Variants in ROR1 observed in about 807,000 individuals in gnomAD.
ROR1 encodes ROR family WNT receptor 1.
Under a neutral mutation model 78.8 loss-of-function variants are expected in ROR1, and 19 were observed. The ratio of observed to expected loss-of-function variants is 0.24; its 90% CI spans 0.17 to 0.35. ROR1 has a LOEUF of 0.35. Among genes scored for constraint, ROR1 ranks in the 10% least tolerant of loss-of-function variants. The pLI, the probability that ROR1 is intolerant of heterozygous loss-of-function variation, is 1.00. For synonymous variants in ROR1, 386 were observed against 433.6 expected (o/e 0.89, Z 1.36); for missense variants, 917 against 1,177.8 (o/e 0.78, Z 3.24).
At chr1:64,085,354 C>T (rs1647143038) in intron 4 of ROR1, among the ~76,000 whole-genome samples, 1 of 152,072 alleles carries the variant, frequency 6.6e-6, no homozygotes, top group Admixed American at 6.5e-5. Context: ...GTGGCTCGTG[C>T]GTTGGGTGCT....
intron 2 of ROR1, among the ~76,000 whole-genome samples, chr1:64,031,165 G>T (rs1291638115): frequency 6.6e-6 from 1 of 152,206 alleles, no homozygotes; most frequent in Non-Finnish European, 1.5e-5. Context: ...ACCACGCCCA[G>T]CTTCTGTCAG....
chr1:64,038,689 T>A (rs979652439), intron 2 of ROR1, among the ~76,000 whole-genome samples: 1 of 152,232 alleles, frequency 6.6e-6, no homozygotes, highest in African/African-American at 2.4e-5. Flanking sequence ...TTTACCTGCA[T>A]GACTGTGTAG....
intron 4 of ROR1, among the ~76,000 whole-genome samples, chr1:64,099,549 A>G (rs1647436424): frequency 1.3e-5 from 2 of 152,230 alleles, no homozygotes; most frequent in South Asian, 4.1e-4. Flanking sequence ...TATAAAAGCA[A>G]AAATAAAATG....
intron 4 of ROR1, among the ~76,000 whole-genome samples, chr1:64,134,698 G>A (rs556758370): frequency 9.2e-5 from 14 of 151,886 alleles, no homozygotes; most frequent in African/African-American, 3.4e-4. Flanking sequence ...GTCTAAGGTG[G>A]GGCCTGGGCA....
At chr1:63,811,908 G>T (rs1192983663) in intron 1 of ROR1, among the ~76,000 whole-genome samples, 1 of 151,888 alleles carries the variant, frequency 6.6e-6, no homozygotes, top group Non-Finnish European at 1.5e-5. Flanking sequence ...GGTCCAGGTT[G>T]GGATCAAGTC....
At chr1:64,096,888 C>T (rs1344919011) in intron 4 of ROR1, among the ~76,000 whole-genome samples, 1 of 144,046 alleles carries the variant, frequency 6.9e-6, no homozygotes, top group African/African-American at 2.7e-5. Context: ...CTTTTTTTCT[C>T]CACAACCTCA....
intron 8 of ROR1, among the ~76,000 whole-genome samples, chr1:64,170,210 C>A (rs151278501): frequency 0.01 from 1,526 of 152,318 alleles, 14 homozygotes; most frequent in Non-Finnish European, 0.016. Flanking sequence ...AGGGCCTCAC[C>A]CCTGCAGCAA....
At chr1:64,060,643 A>G (rs1036895629) in intron 4 of ROR1, among the ~76,000 whole-genome samples, 1 of 152,174 alleles carries the variant, frequency 6.6e-6, no homozygotes. Context: ...TCTTGTAGAG[A>G]GGAGACCAGG....
At chr1:63,977,007 G>C (rs936027245) in intron 1 of ROR1, among the ~76,000 whole-genome samples, 4 of 152,198 alleles carry the variant, frequency 2.6e-5, no homozygotes, top group African/African-American at 9.7e-5. Flanking sequence ...AATCATGGCA[G>C]AAGGGAAAGC....
Position 64,132,780 on chromosome 1 carries a change from A to AG in ROR1, c.483-4589_483-4588insG, listed in dbSNP as rs1317427570. ...CATCTCAAAAAAAAAAAAAAAAAAAAAAAAGAGAGAGAGATAGGCATTTTA... is the reference window on the plus strand; with the variant it reads ...CATCTCAAAAAAAAAAAAAAAAAAAAGAAAAGAGAGAGAGATAGGCATTTTA... On this transcript the variant is annotated intron_variant, in intron 4 of 8. Transcript: ENST00000371079. Among the ~76,000 whole-genome samples, 48 of 147,150 alleles carry AG rather than the reference A, an allele frequency of 3.3e-4. No individual in the cohort carries two copies. The East Asian group carries it at 6.5e-3, about 20-fold the overall frequency.
At chr1:64,144,296 A>G (rs1473922926) in intron 7 of ROR1, among the ~76,000 whole-genome samples, 3 of 152,174 alleles carry the variant, frequency 2.0e-5, no homozygotes, top group Non-Finnish European at 4.4e-5. Context: ...CCAAAAAGAG[A>G]TACTGAGGAG....
At chr1:64,158,236 T>C (rs949687711) in intron 7 of ROR1, among the ~76,000 whole-genome samples, 2 of 152,240 alleles carry the variant, frequency 1.3e-5, no homozygotes, top group Admixed American at 1.3e-4. Flanking sequence ...ATTGGGCTCA[T>C]ATGAAACCAT....
chr1:63,783,169 C>T (rs1054892754), intron 1 of ROR1, among the ~76,000 whole-genome samples: 3 of 152,006 alleles, frequency 2.0e-5, no homozygotes, highest in Admixed American at 6.6e-5. Flanking sequence ...AGAAAGACAG[C>T]GTTGAATGAA....
intron 1 of ROR1, among the ~76,000 whole-genome samples, chr1:63,810,677 A>G (rs907388158): frequency 1.2e-4 from 18 of 152,336 alleles, no homozygotes; most frequent in Admixed American, 8.5e-4. Context: ...AGGAAAGGGC[A>G]GACCAGATGG....
In ROR1 at chr1:64,151,260, G is replaced by A. The variant is rs958632846; in HGVS notation, c.1175-7721G>A. On this transcript the variant is annotated intron_variant, in intron 7 of 8. Coordinates refer to ENST00000371079, the MANE Select transcript of ROR1 (RefSeq NM_005012.4). ...TATAGCTGAGACTGAAGAGAGGGCT[G>A]TCCAGCACATGCTGTGGCCTTTGGT... Among the ~76,000 whole-genome samples, 24 of 152,166 alleles carry A rather than the reference G, an allele frequency of 1.6e-4. 1 individual carries two copies. Among genetic ancestry groups the A allele is most frequent in the Non-Finnish European group, 4.4e-5 (3 of 68,020 alleles).
At position 64,159,067 on chromosome 1, in the gene ROR1, CTCT is replaced by C. The variant is rs765353670; in HGVS notation, c.1270_1272del (p.Phe424del). On this transcript the variant is annotated inframe_deletion, in exon 8 of 9. Transcript: ENST00000371079. ...GGCCATTCCCCTGGCCATTGCTTTA[CTCT>C]TCTTCTTCATTTGCGTCTGTCGGAA... The C allele has an allele frequency of 2.5e-6, 4 of 1,614,052 alleles. No individual in the cohort carries two copies. The highest frequency in any genetic ancestry group is 4.5e-5 in the East Asian group (2 of 44,892).
At chr1:63,945,810 T>C (rs993210617) in intron 1 of ROR1, among the ~76,000 whole-genome samples, 14 of 152,324 alleles carry the variant, frequency 9.2e-5, no homozygotes, top group African/African-American at 2.4e-4. Flanking sequence ...TTGAATTACA[T>C]ATAGTTTACT....
At chr1:63,901,214 A>G (rs754081420) in intron 1 of ROR1, among the ~76,000 whole-genome samples, 1 of 152,122 alleles carries the variant, frequency 6.6e-6, no homozygotes, top group African/African-American at 2.4e-5. Flanking sequence ...GGTTTGGGGA[A>G]TGGTGCTGAT....
intron 1 of ROR1, among the ~76,000 whole-genome samples, chr1:63,936,042 A>G (rs1157626373): frequency 6.6e-6 from 1 of 152,228 alleles, no homozygotes; most frequent in Non-Finnish European, 1.5e-5. Context: ...ATAAAATGGG[A>G]AAGTCCATTT....
Sources: gnomAD v4.1 joint callset for allele counts (sites outside exome capture counted in the v4.1 genomes callset) on GRCh38, gnomAD v4.1.1 for gene constraint, MANE v1.5 for transcripts, NCBI Gene and HGNC (gene_info 2026-07-23, HGNC 2026-07-21) for gene names.